The following PIK3R4 variants were observed in gnomAD, a reference collection of about 807,000 sequenced individuals.
PIK3R4 encodes phosphoinositide 3-kinase regulatory subunit 4.
Under a neutral mutation model 136.5 loss-of-function variants are expected in PIK3R4, and 46 were observed. That is an observed-to-expected ratio of 0.34 (90% confidence interval 0.27 to 0.43). The LOEUF (loss-of-function observed/expected upper bound fraction) is 0.43, where lower values mean the gene tolerates loss of function less well. PIK3R4 is among the 20% of genes least tolerant of loss of function. The pLI, the probability that PIK3R4 is intolerant of heterozygous loss-of-function variation, is 1.00. For synonymous variants in PIK3R4, 557 were observed against 566.7 expected, an observed-to-expected ratio of 0.98 and a Z score of 0.24; for missense variants, 1,331 against 1,649.5, an observed-to-expected ratio of 0.81 and a Z score of 3.35.
intron 6 of PIK3R4, among the ~76,000 whole-genome samples, chr3:130,728,145 T>C (rs1213722674): frequency 1.3e-5 from 2 of 152,222 alleles, no homozygotes; most frequent in African/African-American, 4.8e-5. Context: ...ACAGCAATCA[T>C]TCTTTAAGAG....
At chr3:130,737,656 T>C (rs1297476977) in intron 2 of PIK3R4, among the ~76,000 whole-genome samples, 1 of 151,894 alleles carries the variant, frequency 6.6e-6, no homozygotes, top group East Asian at 1.9e-4. Context: ...CCAGACTCTG[T>C]CTCAAAAAAA....
intron 2 of PIK3R4, among the ~76,000 whole-genome samples, chr3:130,738,179 C>CA (rs1161538703): frequency 2.6e-5 from 4 of 152,070 alleles, no homozygotes; most frequent in African/African-American, 4.8e-5. Context: ...CCATAAGCAA[C>CA]AAGGAAACAG....
In PIK3R4 at chr3:130,718,328, CA is replaced by C. The variant is rs1239659186; in HGVS notation, c.2127+60del. On this transcript the variant is annotated intron_variant, in intron 8 of 19. Transcript: ENST00000356763. Reference sequence around the variant, plus strand: ...GTTAAGAAAAATAGGACTCTCTAAACATTTTTTTTAAAGAGGCACAGTTTGG... The same window carrying C: ...GTTAAGAAAAATAGGACTCTCTAAACTTTTTTTTAAAGAGGCACAGTTTGG... The C allele has an allele frequency of 3.5e-6, 5 of 1,447,434 alleles. No individual in the cohort carries two copies. The African/African-American group carries it at 4.2e-5, about 12-fold the overall frequency. 89.7% of individuals were successfully genotyped at this position (1,447,434 alleles called of 1,614,324 possible). A position where few individuals can be genotyped will look rare whatever the true frequency, so the allele number is the denominator to read the frequency against.
intron 3 of PIK3R4, among the ~76,000 whole-genome samples, chr3:130,734,860 T>A (rs2066777626): frequency 6.6e-6 from 1 of 152,236 alleles, no homozygotes; most frequent in South Asian, 2.1e-4. Context: ...TGTATTGAGT[T>A]ATCTGAACTT....
intron 2 of PIK3R4, among the ~76,000 whole-genome samples, chr3:130,738,166 A>T (rs113422918): frequency 1.5e-3 from 222 of 152,110 alleles, no homozygotes; most frequent in African/African-American, 5.2e-3. Context: ...GCTATTAAAA[A>T]CACCATAAGC....
chr3:130,714,033 G>A (rs927593274), intron 9 of PIK3R4, among the ~76,000 whole-genome samples: 3 of 152,094 alleles, frequency 2.0e-5, no homozygotes, highest in East Asian at 3.9e-4. Context: ...TAGTCACAAC[G>A]GCCAAGGCTG....
At chr3:130,710,456 T>G (rs2066627444) in intron 9 of PIK3R4, among the ~76,000 whole-genome samples, 1 of 152,056 alleles carries the variant, frequency 6.6e-6, no homozygotes, top group Non-Finnish European at 1.5e-5. Flanking sequence ...ACAAAAAAAA[T>G]TAATAGCAAA....
chr3:130,725,305 G>A (rs1277821866), intron 6 of PIK3R4, among the ~76,000 whole-genome samples: 1 of 151,292 alleles, frequency 6.6e-6, no homozygotes, highest in African/African-American at 2.4e-5. Context: ...CCAGAAAACT[G>A]ACCTTAACAG....
rs780929444 is a variant in PIK3R4 at position 130,733,547 on chromosome 3, C to A, written c.1450+1G>T. ...CTAATATTTGGACAATAAACTCTTA[C>A]CAGCATAGGCTAGTCTAACGATAGT... On this transcript the variant is annotated splice_donor_variant, in intron 4 of 19. Transcript: ENST00000356763. LOFTEE classifies it high-confidence loss of function. 1.3e-6 allele frequency: 2 copies of A among 1,594,758 alleles called. No individual in the cohort carries two copies. Among genetic ancestry groups the A allele is most frequent in the Non-Finnish European group, 8.6e-7 (1 of 1,162,994 alleles).
intron 18 of PIK3R4, 82 bp from the exon 19 acceptor site, chr3:130,680,803 C>A (rs2066453567): frequency 2.2e-6 from 2 of 918,636 alleles, no homozygotes; most frequent in Admixed American, 2.5e-5. Flanking sequence ...TTCATCAATG[C>A]ATTTTTTCTT....
At chr3:130,729,093 T>G (rs1020277623) in intron 5 of PIK3R4, among the ~76,000 whole-genome samples, 3 of 152,168 alleles carry the variant, frequency 2.0e-5, no homozygotes, top group African/African-American at 7.2e-5. Context: ...TTAGAAAATG[T>G]TTTTAAAGGT....
intron 14 of PIK3R4, 92 bp downstream of exon 14, chr3:130,690,398 G>T: frequency 1.6e-6 from 1 of 638,656 alleles, no homozygotes; most frequent in Non-Finnish European, 2.5e-6. Context: ...GAGGCCCTTA[G>T]TTGATCCCAA....
intron 13 of PIK3R4, among the ~76,000 whole-genome samples, chr3:130,697,700 T>C (rs2066554070): frequency 6.6e-6 from 1 of 152,210 alleles, no homozygotes. Context: ...CATAAGCCCA[T>C]TGACACAGTC....
intron 13 of PIK3R4, among the ~76,000 whole-genome samples, chr3:130,702,914 T>C (rs1246927834): frequency 6.6e-6 from 1 of 152,220 alleles, no homozygotes. Context: ...TTTACTTTTT[T>C]CATGATCATA....
chr3:130,686,252 G>T lies in PIK3R4; in HGVS notation c.3434C>A (p.Thr1145Asn). Residue 1145 changes from threonine (T) to asparagine (N), a missense_variant, in exon 15 of 20, where the codon ACT becomes AAT. Physicochemically the swap from Thr to Asn is moderately conservative, Grantham distance 65 (BLOSUM62 0). Around this residue, in one of 2 missense-constraint regions of PIK3R4, gnomAD observed 1,180 missense variants for 1,407.0 expected, o/e 0.84. Transcript: ENST00000356763. Reference sequence around the variant, plus strand: ...TTGGTGGATGTCCACAGCAAAGGAAGTGATGAGGCCCGACTTTAAATCATG... The same window carrying T: ...TTGGTGGATGTCCACAGCAAAGGAATTGATGAGGCCCGACTTTAAATCATG... ...LKHDLKSGLI[T>N]SFAVDIHQCW... 4 of 1,613,446 alleles carry T rather than the reference G, an allele frequency of 2.5e-6. No homozygotes were observed. Among genetic ancestry groups the T allele is most frequent in the Non-Finnish European group, 3.4e-6 (4 of 1,179,446 alleles).
At chr3:130,739,689 ACT>A (rs2066809526) in intron 2 of PIK3R4, among the ~76,000 whole-genome samples, 1 of 151,838 alleles carries the variant, frequency 6.6e-6, no homozygotes, top group Non-Finnish European at 1.5e-5. Context: ...ACATCTTAAA[ACT>A]CTTCCCACAG....
Position 130,686,341 on chromosome 3 carries a change from G to T in PIK3R4, c.3345C>A (p.Ala1115=), listed in dbSNP as rs1233578461. ...NSGAQSVLAY[A]TVNGSLVGWD... ...AGCCAACCAGAGAGCCATTCACAGT[G>T]GCATAGGCAAGAACAGACTGTGCTC... Residue 1115 remains alanine (A), a synonymous_variant, in exon 15 of 20, where the codon GCC becomes GCA. Transcript: ENST00000356763. 1 of 1,612,914 alleles carries T rather than the reference G, an allele frequency of 6.2e-7. No homozygotes were observed. Among genetic ancestry groups the T allele is most frequent in the African/African-American group, 1.3e-5 (1 of 74,880 alleles).
Position 130,728,699 on chromosome 3 carries a change from A to AGAAAG in PIK3R4, c.1586-16_1586-15insCTTTC. On this transcript the variant is annotated splice_polypyrimidine_tract_variant and intron_variant, in intron 5 of 19. Coordinates refer to ENST00000356763, the MANE Select transcript of PIK3R4 (RefSeq NM_014602.3). ...GGCTTGGAGCTCTAAAAAAAAAAAA[A>AGAAAG]AAAGAAAGAAAGAAAGAAAGAAAAG... The AGAAAG allele has an allele frequency of 1.4e-6, 2 of 1,427,558 alleles. No homozygotes were observed. The highest frequency in any genetic ancestry group is 1.3e-5 in the South Asian group (1 of 76,898). The allele number at this position is 1,427,558 out of a possible 1,614,324, so 88.4% of individuals were successfully genotyped here.
intron 9 of PIK3R4, among the ~76,000 whole-genome samples, chr3:130,712,674 A>G (rs558377581): frequency 1.7e-4 from 26 of 152,072 alleles, no homozygotes; most frequent in African/African-American, 6.3e-4. Flanking sequence ...CAATTAAAAA[A>G]AGAAAAAAAA....
Sources: allele counts gnomAD v4.1 joint callset (sites outside exome capture counted in the v4.1 genomes callset), GRCh38; gene constraint gnomAD v4.1.1; regional missense constraint gnomAD v4.1.1; transcripts MANE v1.5; gene names NCBI Gene and HGNC (gene_info 2026-07-23, HGNC 2026-07-21).